Variants in SELENOW observed in about 807,000 individuals in gnomAD.
SELENOW encodes selenoprotein W.
Under a neutral mutation model 16.6 loss-of-function variants are expected in SELENOW, and 20 were observed. The ratio of observed to expected loss-of-function variants is 1.21; its 90% CI spans 0.85 to 1.76. SELENOW has a LOEUF of 1.76. Ranked by LOEUF, SELENOW falls within the 40% of genes most tolerant of loss-of-function variation. The pLI, the probability that SELENOW is intolerant of heterozygous loss-of-function variation, is 0.00. For missense variants in SELENOW, 124 were observed against 111.0 expected (o/e 1.12, Z -0.53); for synonymous variants, 44 against 46.2 (o/e 0.95, Z 0.19).
Position 47,784,312 on chromosome 19 carries a change from C to T in SELENOW, c.*41C>T, listed in dbSNP as rs1392668737. 3 of 152,694 alleles carry T rather than the reference C, an allele frequency of 2.0e-5. No individual in the cohort carries two copies. Among genetic ancestry groups the T allele is most frequent in the Non-Finnish European group, 4.4e-5 (3 of 68,068 alleles). The allele number at this position is 152,694 out of a possible 1,614,324, so 9.5% of individuals were successfully genotyped here. A position where few individuals can be genotyped will look rare whatever the true frequency, so the allele number is the denominator to read the frequency against. Reference sequence around the variant, plus strand: ...CAGTCCAGGGACCTTGACCCAGCCCCTCTCAGCAGACGCTTCATGATAGGA... The same window carrying T: ...CAGTCCAGGGACCTTGACCCAGCCCTTCTCAGCAGACGCTTCATGATAGGA... On this transcript the variant is annotated 3_prime_UTR_variant, in exon 6 of 6. Transcript: ENST00000601048.
At chr19:47,778,987 G>C (rs893956872) in intron 1 of SELENOW, 173 bp downstream of exon 1, 3 of 599,932 alleles carry the variant, frequency 5.0e-6, no homozygotes, top group African/African-American at 3.8e-5. Flanking sequence ...GAGGGCGGTC[G>C]TCCCTAGGCC....
At chr19:47,782,613 TCACTGCAGCCTCTGCCTC>T (rs567585182) in intron 5 of SELENOW, 1 of 152,212 alleles carries the variant, frequency 6.6e-6, no homozygotes, top group South Asian at 2.1e-4. Context: ...CGATCTCGGC[TCACTGCAGCCTCTGCCTC>T]CCGAGTTCAA....
chr19:47,781,623 C>T (rs1967478112), intron 5 of SELENOW: 1 of 566,692 alleles, frequency 1.8e-6, no homozygotes, highest in East Asian at 3.0e-5. Flanking sequence ...AGGATGACAG[C>T]TGAGATGGGG....
At position 47,781,145 on chromosome 19, in the gene SELENOW, A is replaced by G; in HGVS notation, c.146A>G (p.Glu49Gly). The G allele has an allele frequency of 6.2e-7, 1 of 1,613,750 alleles. No individual in the cohort carries two copies. The highest frequency in any genetic ancestry group is 8.5e-7 in the Non-Finnish European group (1 of 1,179,824). Residue 49 changes from glutamate (E) to glycine (G), a missense_variant, in exon 4 of 6, where the codon GAA (glutamate) becomes GGA (glycine). Transcript: ENST00000601048. ...EGTPQATGFF[E>G]VMVAGKLIHS... Reference sequence around the variant, plus strand: ...ACTCCCCAGGCCACCGGGTTCTTTGAAGTGATGGTAGCCGGGAAGTTGATT... The same window carrying G: ...ACTCCCCAGGCCACCGGGTTCTTTGGAGTGATGGTAGCCGGGAAGTTGATT...
rs1483913994 is a variant in SELENOW, at chr19:47,781,375, C to T, written c.*5C>T. On this transcript the variant is annotated 3_prime_UTR_variant, in exon 5 of 6. Transcript: ENST00000601048. ...GCCGCCTTGGCTCAGGGCTAATGCG[C>T]CCTGAAGGCAGAGGTGAGGGGGCCC... The T allele has an allele frequency of 6.3e-7, 1 of 1,575,028 alleles. No individual in the cohort carries two copies. The highest frequency in any genetic ancestry group is 8.7e-7 in the Non-Finnish European group (1 of 1,155,966).
chr19:47,779,844 T>C, intron 1 of SELENOW: 1 of 175,838 alleles, frequency 5.7e-6, no homozygotes, highest in Non-Finnish European at 1.2e-5. Context: ...GGAATTTTAG[T>C]TCTATGTTAC....
In SELENOW at chr19:47,780,915, A is replaced by T. The variant is rs369877731; in HGVS notation, c.106A>T (p.Ile36Phe). 6.2e-6 allele frequency: 10 copies of T among 1,613,532 alleles called. No homozygotes were observed. The African/African-American group carries it at 1.2e-4, about 19-fold the overall frequency. ...AGATGAGTTCCCCGGCCGCCTGGAC[A>T]TCGTGAGTCTTGGGATGGGGAGAAA... ...LEDEFPGRLD[I>F]CGEGTPQATG... The change falls in exon 3 of 6, where the codon ATC (isoleucine) becomes TTC (phenylalanine). Residue 36 changes from isoleucine (I) to phenylalanine (F), a missense_variant and splice_region_variant. Ile to Phe is a conservative substitution (Grantham distance 21, BLOSUM62 0). Transcript: ENST00000601048.
rs562818073 is a variant in SELENOW, at chr19:47,778,897, G to C, written c.29+83G>C. The C allele has an allele frequency of 3.8e-4, 538 of 1,410,466 alleles. 1 individual carries two copies. The African/African-American group carries it at 6.3e-3, about 16-fold the overall frequency. 87.4% of individuals were successfully genotyped at this position (1,410,466 alleles called of 1,614,324 possible). A position where few individuals can be genotyped will look rare whatever the true frequency, so the allele number is the denominator to read the frequency against. ...AGCCGGGGTCAGGGAGCCCCGGGGA[G>C]AGGACCCATGGGAGCCCTTGTATGG... On this transcript the variant is annotated intron_variant, in intron 1 of 5. Transcript: ENST00000601048.
At chr19:47,781,744 T>C (rs562007506) in intron 5 of SELENOW, among the ~76,000 whole-genome samples, 1 of 140,644 alleles carries the variant, frequency 7.1e-6, no homozygotes, top group East Asian at 2.2e-4. Flanking sequence ...GAGATGGTGA[T>C]GGGTCAGAGG....
intron 5 of SELENOW, 74 bp downstream of exon 5, chr19:47,781,462 A>G (rs1345161957): frequency 3.6e-6 from 3 of 842,284 alleles, no homozygotes; most frequent in Non-Finnish European, 2.0e-6. Flanking sequence ...TCCTTGGCCC[A>G]GGGTGGAGAG....
chr19:47,780,151 TA>T, intron 1 of SELENOW: 1 of 455,224 alleles, frequency 2.2e-6, no homozygotes, highest in South Asian at 1.6e-5. Context: ...CTCCTGCCTG[TA>T]ATCTCAGCAC....
At chr19:47,780,238 A>G (rs1967457249) in intron 1 of SELENOW, 28 of 376,960 alleles carry the variant, frequency 7.4e-5, no homozygotes, top group South Asian at 5.0e-4. Context: ...TGAAAATACA[A>G]AAATTAGCTG....
At chr19:47,781,423 T>A (rs1967475704) in intron 5 of SELENOW, 35 bp downstream of exon 5, 1 of 1,162,174 alleles carries the variant, frequency 8.6e-7, no homozygotes, top group Middle Eastern at 2.1e-4. Context: ...CACCACCCTT[T>A]GGATCTTCTC....
intron 1 of SELENOW, 121 bp downstream of exon 1, chr19:47,778,935 C>T (rs747491690): frequency 6.1e-6 from 6 of 991,104 alleles, no homozygotes; most frequent in African/African-American, 3.3e-5. Flanking sequence ...AAAGGGAGCC[C>T]CTGTATGTGG....
intron 1 of SELENOW, chr19:47,780,101 G>A (rs1026337834): frequency 8.8e-6 from 4 of 456,112 alleles, no homozygotes; most frequent in African/African-American, 8.0e-5. Flanking sequence ...GGACTGGGAA[G>A]GTGTTCAGAA....
At position 47,780,769 on chromosome 19, in the gene SELENOW, G is replaced by C. The variant is rs1163291972; in HGVS notation, c.54+20G>C. On this transcript the variant is annotated intron_variant, in intron 2 of 5. Coordinates refer to ENST00000601048, the MANE Select transcript of SELENOW (RefSeq NM_003009.4). ...TCCAAGGTAAGCAGAGTGGATGCCC[G>C]GGGGGCATTCCTGGGAGCTGGGGAG... The C allele has an allele frequency of 1.3e-6, 2 of 1,482,406 alleles. No homozygotes were observed. Among genetic ancestry groups the C allele is most frequent in the South Asian group, 1.2e-5 (1 of 82,948 alleles). The allele number at this position is 1,482,406 out of a possible 1,614,324, so 91.8% of individuals were successfully genotyped here.
intron 5 of SELENOW, 51 bp downstream of exon 5, chr19:47,781,439 C>A: frequency 9.7e-7 from 1 of 1,029,046 alleles, no homozygotes; most frequent in Non-Finnish European, 1.5e-6. Context: ...TTCTCCCTGC[C>A]CCATGCTCTG....
Position 47,778,834 on chromosome 19 carries a change from G to GCCCCCGTCCCCGA in SELENOW, c.29+27_29+39dup. 1 of 1,597,858 alleles carries GCCCCCGTCCCCGA rather than the reference G, an allele frequency of 6.3e-7. No individual in the cohort carries two copies. The highest frequency in any genetic ancestry group is 1.7e-5 in the Admixed American group (1 of 58,048). On this transcript the variant is annotated intron_variant, in intron 1 of 5. Transcript: ENST00000601048. ...TTATTGGTAAGCCCAGCGGCCAGCG[G>GCCCCCGTCCCCGA]CCCCCGTCCCCGACCCCCGCCGGGA...
At chr19:47,779,796 G>C in intron 1 of SELENOW, 1 of 177,066 alleles carries the variant, frequency 5.6e-6, no homozygotes, top group Non-Finnish European at 1.2e-5. Flanking sequence ...ACAGCAGAGC[G>C]AGACTCTGTC....
Sources: gnomAD v4.1 joint callset for allele counts (sites outside exome capture counted in the v4.1 genomes callset) on GRCh38, gnomAD v4.1.1 for gene constraint, MANE v1.5 for transcripts, NCBI Gene and HGNC (gene_info 2026-07-23, HGNC 2026-07-21) for gene names.